Variants in KIF13A observed in about 807,000 individuals in gnomAD.
KIF13A encodes the protein kinesin-like protein KIF13A.
A neutral mutation model predicts 212.2 loss-of-function variants in KIF13A; 79 were observed. The observed-to-expected ratio is 0.37, with a 90% CI of 0.31 to 0.45. The LOEUF (loss-of-function observed/expected upper bound fraction) is 0.45, where lower values mean the gene tolerates loss of function less well. Ranked by LOEUF, KIF13A falls within the 20% of genes least tolerant of loss-of-function variation. KIF13A has a pLI of 1.00. For synonymous variants in KIF13A, 789 were observed against 808.6 expected (o/e 0.98, Z 0.41); for missense variants, 1,901 against 2,209.0 (o/e 0.86, Z 2.79).
In KIF13A at chr6:17,787,088, T is replaced by G. The variant is rs1324803004; in HGVS notation, c.3361+688A>C. Among the ~76,000 whole-genome samples the G allele has an allele frequency of 1.3e-5, 2 of 152,220 alleles. No homozygotes were observed. Among genetic ancestry groups the G allele is most frequent in the East Asian group, 3.9e-4 (2 of 5,194 alleles). The stretch of plus-strand genomic sequence containing the variant: ...TGCATGGCAATGGCCCAACAGTGGA[T>G]AGGTGCTGACCTGCTAAGCGGTTTG... On this transcript the variant is annotated intron_variant, in intron 27 of 38. Coordinates refer to ENST00000259711, the MANE Select transcript of KIF13A (RefSeq NM_022113.6). The surrounding 1 kb of genome is among the most constrained non-coding windows in gnomAD (Gnocchi z 4.6).
intron 9 of KIF13A, among the ~76,000 whole-genome samples, chr6:17,844,074 A>G (rs1206505346): frequency 6.6e-6 from 1 of 151,928 alleles, no homozygotes; most frequent in Non-Finnish European, 1.5e-5. Context: ...GAAAGAAAGA[A>G]AAGAAATAAT....
At chr6:17,766,295 A>AATGGTG (rs1758975364) in intron 38 of KIF13A, among the ~76,000 whole-genome samples, 1 of 151,064 alleles carries the variant, frequency 6.6e-6, no homozygotes, top group Non-Finnish European at 1.5e-5. Flanking sequence ...GCTGGAGTGC[A>AATGGTG]ATGGTGTGAT....
intron 16 of KIF13A, among the ~76,000 whole-genome samples, chr6:17,818,997 A>G (rs895363459): frequency 1.6e-5 from 2 of 121,410 alleles, no homozygotes; most frequent in East Asian, 2.4e-4. Flanking sequence ...AAAATATATC[A>G]CTTTTTTTTT....
chr6:17,985,122 G>A (rs573773910), intron 2 of KIF13A, among the ~76,000 whole-genome samples: 96 of 152,280 alleles, frequency 6.3e-4, no homozygotes, highest in African/African-American at 2.0e-3. Flanking sequence ...TGAAATGACC[G>A]GTACTCAAGA....
chr6:17,979,382 TA>T (rs1364163498), intron 2 of KIF13A, among the ~76,000 whole-genome samples: 6 of 152,240 alleles, frequency 3.9e-5, no homozygotes, highest in Non-Finnish European at 8.8e-5. Flanking sequence ...CCTTCAATTC[TA>T]GCATTCATCG....
chr6:17,982,442 T>C lies in KIF13A; in HGVS notation c.146+4612A>G. ...TAGATTTCAGATGTTCAGACAGGGA[T>C]ACCGCTGGTGAATAAACTAAAAAAT... On this transcript the variant is annotated intron_variant, in intron 2 of 38. Transcript: ENST00000259711. This position sits in a 1 kb window ranked among gnomAD's most constrained non-coding sequence, Gnocchi z 5.1. 2.0e-6 allele frequency: 2 copies of C among 984,810 alleles called. No individual in the cohort carries two copies. Among genetic ancestry groups the C allele is most frequent in the Non-Finnish European group, 2.4e-6 (2 of 829,380 alleles). The allele number at this position is 984,810 out of a possible 1,614,324, so 61.0% of individuals were successfully genotyped here.
intron 3 of KIF13A, chr6:17,881,728 G>A: frequency 3.0e-6 from 1 of 336,220 alleles, no homozygotes; most frequent in Non-Finnish European, 5.9e-6. Flanking sequence ...CAGGCACAGG[G>A]CTCACGGCTG....
rs115851770 is a variant in KIF13A, at chr6:17,787,311, A to T, written c.3361+465T>A. On this transcript the variant is annotated intron_variant, in intron 27 of 38. Coordinates refer to ENST00000259711, the MANE Select transcript of KIF13A (RefSeq NM_022113.6). This position sits in a 1 kb window ranked among gnomAD's most constrained non-coding sequence, Gnocchi z 4.6. The stretch of plus-strand genomic sequence containing the variant: ...TTCAAATTTGGAGGCCTCTTAAACC[A>T]ACAATGTATAATATGATTGACTGAT... 6.6e-6 allele frequency among the ~76,000 whole-genome samples: 1 copy of T among 152,190 alleles called. No individual in the cohort carries two copies. Among genetic ancestry groups the T allele is most frequent in the Non-Finnish European group, 1.5e-5 (1 of 68,030 alleles).
At chr6:17,784,695 T>G (rs533564519) in intron 28 of KIF13A, among the ~76,000 whole-genome samples, 11 of 152,184 alleles carry the variant, frequency 7.2e-5, no homozygotes, top group Middle Eastern at 3.4e-3. Context: ...AGAGAGGGCT[T>G]TGAGGGCCAG....
At chr6:17,896,138 C>T in intron 3 of KIF13A, among the ~76,000 whole-genome samples, 1 of 152,058 alleles carries the variant, frequency 6.6e-6, no homozygotes, top group East Asian at 1.9e-4. Context: ...GGTTTTATGT[C>T]CCCCGAATAC....
At position 17,837,581 on chromosome 6, in the gene KIF13A, G is replaced by A; in HGVS notation, c.833C>T (p.Ser278Leu). The change falls in exon 10 of 39, where the codon TCG (serine) becomes TTG (leucine). Residue 278 changes from serine (S) to leucine (L), a missense_variant and splice_region_variant. Around this residue, in one of 5 missense-constraint regions of KIF13A, gnomAD observed 506 missense variants for 637.4 expected, o/e 0.79. Transcript: ENST00000259711. This position sits in a 1 kb window ranked among gnomAD's most constrained non-coding sequence, Gnocchi z 5.4. Reference sequence around the variant, plus strand: ...TATAACCAACCCCAAGGTTGTAAGCGATCTGTCAAGAAAAAATGAAAAATT... The same window carrying A: ...TATAACCAACCCCAAGGTTGTAAGCAATCTGTCAAGAAAAAATGAAAAATT... ...RLKEGSNINKSLTTLGLVISS... is the reference protein window; with the variant it reads ...RLKEGSNINKLLTTLGLVISS... 1 of 1,589,498 alleles carries A rather than the reference G, an allele frequency of 6.3e-7. No homozygotes were observed. The highest frequency in any genetic ancestry group is 8.6e-7 in the Non-Finnish European group (1 of 1,164,978).
At position 17,888,686 on chromosome 6, in the gene KIF13A, G is replaced by A. The variant is rs1268690266; in HGVS notation, c.159+9482C>T. Among the ~76,000 whole-genome samples the A allele has an allele frequency of 6.6e-6, 1 of 152,012 alleles. No homozygotes were observed. The highest frequency in any genetic ancestry group is 1.5e-5 in the Non-Finnish European group (1 of 67,998). On this transcript the variant is annotated intron_variant, in intron 3 of 38. Coordinates refer to ENST00000259711, the MANE Select transcript of KIF13A (RefSeq NM_022113.6). The surrounding 1 kb of genome is among the most constrained non-coding windows in gnomAD (Gnocchi z 4.8). ...CAAAAAATACAAAAATTAGCTGGGC[G>A]TGGTGGCACAGGCCTGTAGTCCCAC...
At chr6:17,928,178 T>C (rs2150531266) in intron 2 of KIF13A, among the ~76,000 whole-genome samples, 1 of 152,318 alleles carries the variant, frequency 6.6e-6, no homozygotes, top group Middle Eastern at 3.4e-3. Flanking sequence ...ACTCATCCCA[T>C]CTTCATCAGA....
chr6:17,946,226 G>C (rs1777385078), intron 2 of KIF13A, among the ~76,000 whole-genome samples: 1 of 151,958 alleles, frequency 6.6e-6, no homozygotes, highest in Non-Finnish European at 1.5e-5. Context: ...CAAAGTGCTG[G>C]GATTACAGGT....
Position 17,919,218 on chromosome 6 carries a change from T to C in KIF13A, c.147-21038A>G, listed in dbSNP as rs1774822158. Among the ~76,000 whole-genome samples the C allele has an allele frequency of 6.6e-6, 1 of 152,214 alleles. No individual in the cohort carries two copies. Among genetic ancestry groups the C allele is most frequent in the African/African-American group, 2.4e-5 (1 of 41,464 alleles). ...AAATTGCAAACACATACGAATGGAA[T>C]GTGAACAGCATCACATAACATCACA... On this transcript the variant is annotated intron_variant, in intron 2 of 38. Transcript: ENST00000259711. The surrounding 1 kb of genome is among the most constrained non-coding windows in gnomAD (Gnocchi z 4.1).
rs1006175933 is a variant in KIF13A at position 17,768,412 on chromosome 6, A to G, written c.4581+2702T>C. Among the ~76,000 whole-genome samples the G allele has an allele frequency of 2.0e-5, 3 of 152,120 alleles. No homozygotes were observed. The highest frequency in any genetic ancestry group is 7.2e-5 in the African/African-American group (3 of 41,412). ...GACTGAAATCCACATTAAAGCAGTGACTCTTTGTAAGGAGTTTCCTTCATT... is the reference window on the plus strand; with the variant it reads ...GACTGAAATCCACATTAAAGCAGTGGCTCTTTGTAAGGAGTTTCCTTCATT... On this transcript the variant is annotated intron_variant, in intron 38 of 38. Transcript: ENST00000259711. This position sits in a 1 kb window ranked among gnomAD's most constrained non-coding sequence, Gnocchi z 5.4.
rs980516950 is a variant in KIF13A, at chr6:17,912,833, C to T, written c.147-14653G>A. 1.3e-5 allele frequency among the ~76,000 whole-genome samples: 2 copies of T among 152,166 alleles called. No homozygotes were observed. Among genetic ancestry groups the T allele is most frequent in the Non-Finnish European group, 2.9e-5 (2 of 68,028 alleles). Reference sequence around the variant, plus strand: ...GTACTGGCCTCTGAACAGAGAAACTCCAAACAGACACTGATGGTAAAAGGA... The same window carrying T: ...GTACTGGCCTCTGAACAGAGAAACTTCAAACAGACACTGATGGTAAAAGGA... On this transcript the variant is annotated intron_variant, in intron 2 of 38. Coordinates refer to ENST00000259711, the MANE Select transcript of KIF13A (RefSeq NM_022113.6). This position sits in a 1 kb window ranked among gnomAD's most constrained non-coding sequence, Gnocchi z 4.2.
chr6:17,967,053 A>G lies in KIF13A; in HGVS notation c.146+20001T>C, dbSNP rs1779389820. Among the ~76,000 whole-genome samples, 1 of 152,230 alleles carries G rather than the reference A, an allele frequency of 6.6e-6. No homozygotes were observed. Among genetic ancestry groups the G allele is most frequent in the Admixed American group, 6.5e-5 (1 of 15,286 alleles). ...CCTAACTTGATTTAGTAGACACTCT[A>G]TTCCCTTTTGGTATTATGCACTTTC... On this transcript the variant is annotated intron_variant, in intron 2 of 38. Coordinates refer to ENST00000259711, the MANE Select transcript of KIF13A (RefSeq NM_022113.6). The surrounding 1 kb of genome is among the most constrained non-coding windows in gnomAD (Gnocchi z 4.1).
intron 3 of KIF13A, among the ~76,000 whole-genome samples, chr6:17,887,480 A>G (rs1771650367): frequency 6.6e-6 from 1 of 152,146 alleles, no homozygotes; most frequent in East Asian, 1.9e-4. Flanking sequence ...ATTTCTTGCA[A>G]GCACAGTTCT....
Sources: allele counts gnomAD v4.1 joint callset (sites outside exome capture counted in the v4.1 genomes callset), GRCh38; gene constraint gnomAD v4.1.1; regional missense constraint gnomAD v4.1.1; non-coding constraint Gnocchi (gnomAD v3.1); transcripts MANE v1.5; gene names NCBI Gene and HGNC (gene_info 2026-07-23, HGNC 2026-07-21).